The following AK8 variants were observed in gnomAD, a reference collection of about 807,000 sequenced individuals.
The protein encoded by AK8 is ATP-AMP transphosphorylase 8.
A neutral mutation model predicts 54.6 loss-of-function variants in AK8; 44 were observed. The ratio of observed to expected loss-of-function variants is 0.81; its 90% CI spans 0.63 to 1.04. The LOEUF (loss-of-function observed/expected upper bound fraction) is 1.04, where lower values mean the gene tolerates loss of function less well. Ranked by LOEUF, AK8 falls within the 50% of genes least tolerant of loss-of-function variation. The probability of loss-of-function intolerance (pLI) is 0.00; values close to 1 mark genes in which losing one functional copy is unlikely to be tolerated. For missense variants in AK8, 555 were observed against 613.6 expected (o/e 0.90, Z 1.01); for synonymous variants, 239 against 245.6 (o/e 0.97, Z 0.25).
intron 11 of AK8, among the ~76,000 whole-genome samples, chr9:132,737,373 G>T (rs903973310): frequency 6.6e-6 from 1 of 152,118 alleles, no homozygotes; most frequent in African/African-American, 2.4e-5. Flanking sequence ...AATAGAGGAA[G>T]GAATACTGAT....
At chr9:132,750,336 G>A (rs1393342384) in intron 11 of AK8, among the ~76,000 whole-genome samples, 1 of 151,828 alleles carries the variant, frequency 6.6e-6, no homozygotes, top group East Asian at 1.9e-4. Context: ...CCAGGCTGGT[G>A]TCCAAATCCT....
rs1839925343 is a variant in AK8, at chr9:132,791,036, T to C, written c.1121+1598A>G. Among the ~76,000 whole-genome samples, 1 of 152,190 alleles carries C rather than the reference T, an allele frequency of 6.6e-6. No individual in the cohort carries two copies. Among genetic ancestry groups the C allele is most frequent in the South Asian group, 2.1e-4 (1 of 4,830 alleles). ...TAGAAGCAAAGACAGAATATATCCA[T>C]GTCAAACTGTAACGGATTGTATTAG... On this transcript the variant is annotated intron_variant, in intron 11 of 12. Transcript: ENST00000298545. The surrounding 1 kb of genome is among the most constrained non-coding windows in gnomAD (Gnocchi z 4.0).
intron 5 of AK8, among the ~76,000 whole-genome samples, chr9:132,838,889 T>A (rs574910716): frequency 6.6e-6 from 1 of 152,310 alleles, no homozygotes; most frequent in African/African-American, 2.4e-5. Context: ...GACGTGGTGT[T>A]CGGCACATAT....
In AK8 at chr9:132,768,498, C is replaced by T. The variant is rs183057815; in HGVS notation, c.1121+24136G>A. Among the ~76,000 whole-genome samples, 539 of 152,196 alleles carry T rather than the reference C, an allele frequency of 3.5e-3. 4 individuals are homozygous for T. The highest frequency in any genetic ancestry group is 5.1e-3 in the Non-Finnish European group (345 of 68,016). On this transcript the variant is annotated intron_variant, in intron 11 of 12. Transcript: ENST00000298545. The stretch of plus-strand genomic sequence containing the variant: ...GTCAGGCTGATCTCAAACTACTGAC[C>T]TCAGGTGATCTGCCCACCTCAGCCT...
intron 5 of AK8, among the ~76,000 whole-genome samples, chr9:132,845,999 C>T (rs1010525051): frequency 5.9e-5 from 9 of 152,072 alleles, no homozygotes; most frequent in African/African-American, 1.7e-4. Flanking sequence ...AAGGGCAGTG[C>T]GGCTTCAAGG....
At chr9:132,806,014 C>T (rs1840707046) in intron 10 of AK8, among the ~76,000 whole-genome samples, 1 of 151,630 alleles carries the variant, frequency 6.6e-6, no homozygotes, top group South Asian at 2.1e-4. Context: ...ACCAAAGGGA[C>T]AGAGGCCAAC....
rs139394044 is a variant in AK8, at chr9:132,745,344, C to T, written c.1122-17810G>A. Among the ~76,000 whole-genome samples the T allele has an allele frequency of 5.0e-3, 765 of 152,198 alleles. 7 individuals carry two copies. Among genetic ancestry groups the T allele is most frequent in the African/African-American group, 0.018 (729 of 41,538 alleles). ...GGCCGGCTCCCTCTCTCGGATTACG[C>T]GGCTAATTGCTCGACTTTACGGGGC... On this transcript the variant is annotated intron_variant, in intron 11 of 12. Transcript: ENST00000298545.
At position 132,747,173 on chromosome 9, in the gene AK8, G is replaced by A. The variant is rs144766977; in HGVS notation, c.1122-19639C>T. Among the ~76,000 whole-genome samples the A allele has an allele frequency of 2.0e-5, 3 of 152,266 alleles. No individual in the cohort carries two copies. The East Asian group carries it at 5.8e-4, about 29-fold the overall frequency. On this transcript the variant is annotated intron_variant, in intron 11 of 12. Coordinates refer to ENST00000298545, the MANE Select transcript of AK8 (RefSeq NM_152572.3). ...AATTACTTCTTTGAGACAGAGTCTC[G>A]CTCTGTTGCCAGGCTGGAGTGCAGT... is the stretch of plus-strand genomic sequence containing the variant.
chr9:132,798,973 G>A (rs889441649), intron 10 of AK8, among the ~76,000 whole-genome samples: 5 of 152,152 alleles, frequency 3.3e-5, no homozygotes, highest in Non-Finnish European at 5.9e-5. Context: ...CCACGGCTCC[G>A]GACAGGAGTC....
chr9:132,800,756 G>A (rs1258989356), intron 10 of AK8, among the ~76,000 whole-genome samples: 2 of 152,266 alleles, frequency 1.3e-5, no homozygotes, highest in African/African-American at 4.8e-5. Context: ...AGGAGGCCAT[G>A]TTGTGCCCCT....
chr9:132,795,670 G>A (rs527448647), intron 10 of AK8, among the ~76,000 whole-genome samples: 18 of 152,196 alleles, frequency 1.2e-4, no homozygotes, highest in South Asian at 8.3e-4. Flanking sequence ...CATGGGATAC[G>A]GTCTACGCAG....
chr9:132,752,323 C>G (rs1261713096), intron 11 of AK8, among the ~76,000 whole-genome samples: 1 of 149,872 alleles, frequency 6.7e-6, no homozygotes, highest in Non-Finnish European at 1.5e-5. Context: ...GATCTCTGCT[C>G]ACTGCAGGCT....
intron 3 of AK8, among the ~76,000 whole-genome samples, chr9:132,864,182 G>A (rs532245107): frequency 6.6e-6 from 1 of 152,248 alleles, no homozygotes; most frequent in Admixed American, 6.5e-5. Flanking sequence ...TAAAGATTGG[G>A]AGCTGGCATG....
At chr9:132,732,316 TTATGGCATTCAGGATTGTATCTTC>T (rs1360181587) in intron 11 of AK8, among the ~76,000 whole-genome samples, 59 of 152,356 alleles carry the variant, frequency 3.9e-4, no homozygotes, top group Non-Finnish European at 7.6e-4. Flanking sequence ...ACATTTGGGA[TTATGGCATTCAGGATTGTATCTTC>T]TATGGCATTC....
chr9:132,805,371 G>C (rs1588150044), intron 10 of AK8, among the ~76,000 whole-genome samples: 1 of 152,180 alleles, frequency 6.6e-6, no homozygotes, highest in Non-Finnish European at 1.5e-5. Context: ...CCCTATGGTG[G>C]CTCCAGCCAG....
chr9:132,740,457 T>A (rs1461401572), intron 11 of AK8, among the ~76,000 whole-genome samples: 1 of 152,182 alleles, frequency 6.6e-6, no homozygotes, highest in Non-Finnish European at 1.5e-5. Flanking sequence ...GTTCTCTCCA[T>A]CACGGAGCTC....
At chr9:132,866,289 T>C (rs773958555) in intron 3 of AK8, among the ~76,000 whole-genome samples, 3 of 152,232 alleles carry the variant, frequency 2.0e-5, no homozygotes, top group Non-Finnish European at 4.4e-5. Context: ...GAAAAGGGCA[T>C]TCACTGTCCA....
At chr9:132,875,745 C>G (rs946348562) in intron 1 of AK8, among the ~76,000 whole-genome samples, 1 of 152,242 alleles carries the variant, frequency 6.6e-6, no homozygotes. Context: ...CACCATCCCC[C>G]CGGCAGGCCA....
At chr9:132,808,126 G>A (rs545594505) in intron 10 of AK8, among the ~76,000 whole-genome samples, 40 of 152,224 alleles carry the variant, frequency 2.6e-4, no homozygotes, top group African/African-American at 8.9e-4. Flanking sequence ...GCCCAGAATC[G>A]TTTTTACTTG....
Sources: allele counts gnomAD v4.1 joint callset (sites outside exome capture counted in the v4.1 genomes callset), GRCh38; gene constraint gnomAD v4.1.1; non-coding constraint Gnocchi (gnomAD v3.1); transcripts MANE v1.5; gene names NCBI Gene and HGNC (gene_info 2026-07-23, HGNC 2026-07-21).